The following TTBK2 variants were observed in gnomAD, a reference collection of about 807,000 sequenced individuals.
The protein encoded by TTBK2 is tau-tubulin kinase 2.
TTBK2 carries 28 observed loss-of-function variants against 110.8 expected under a neutral mutation model. The observed-to-expected ratio is 0.25, with a 90% CI of 0.19 to 0.35. The LOEUF is 0.35. Ranked by LOEUF, TTBK2 falls within the 10% of genes least tolerant of loss-of-function variation. The probability of loss-of-function intolerance (pLI) is 1.00; values close to 1 mark genes in which losing one functional copy is unlikely to be tolerated. For missense variants in TTBK2, 1,369 were observed against 1,500.3 expected (o/e 0.91, Z 1.45); for synonymous variants, 532 against 527.3 (o/e 1.01, Z -0.12).
chr15:42,838,228 T>C (rs1371196607), intron 4 of TTBK2, among the ~76,000 whole-genome samples: 1 of 151,578 alleles, frequency 6.6e-6, no homozygotes, highest in Non-Finnish European at 1.5e-5. Flanking sequence ...TAAAATAAAA[T>C]AAAGAAACCA....
At chr15:42,861,178 A>G (rs1378222173) in intron 3 of TTBK2, among the ~76,000 whole-genome samples, 1 of 152,210 alleles carries the variant, frequency 6.6e-6, no homozygotes, top group Non-Finnish European at 1.5e-5. Context: ...CAGCCCATTG[A>G]CAGCATTAGA....
At chr15:42,874,715 C>T (rs1184036501) in intron 2 of TTBK2, among the ~76,000 whole-genome samples, 2 of 150,880 alleles carry the variant, frequency 1.3e-5, no homozygotes, top group African/African-American at 2.4e-5. Flanking sequence ...TGGCCGGGCG[C>T]GGTGGCTCAC....
intron 6 of TTBK2, among the ~76,000 whole-genome samples, chr15:42,817,521 A>G (rs558765903): frequency 6.6e-6 from 1 of 152,338 alleles, no homozygotes; most frequent in South Asian, 2.1e-4. Flanking sequence ...CAAGCTCTTC[A>G]TATCTTGGCT....
intron 1 of TTBK2, among the ~76,000 whole-genome samples, chr15:42,896,117 T>A (rs1361189396): frequency 2.0e-5 from 3 of 151,358 alleles, no homozygotes; most frequent in African/African-American, 7.3e-5. Flanking sequence ...TAACCTGAGG[T>A]GAGGAGTTCG....
intron 4 of TTBK2, 55 bp from the exon 5 acceptor site, chr15:42,830,133 G>C (rs1301811935): frequency 6.2e-7 from 1 of 1,601,788 alleles, no homozygotes; most frequent in Admixed American, 1.7e-5. Context: ...TAGTATAAGA[G>C]AAGACTGGGA....
chr15:42,854,536 C>T (rs1038452403), intron 3 of TTBK2, among the ~76,000 whole-genome samples: 6 of 151,758 alleles, frequency 4.0e-5, no homozygotes, highest in Admixed American at 1.3e-4. Flanking sequence ...CGTTGTTTTG[C>T]TTAAAGTTGC....
intron 3 of TTBK2, among the ~76,000 whole-genome samples, chr15:42,864,936 T>C (rs540511271): frequency 6.6e-6 from 1 of 151,858 alleles, no homozygotes; most frequent in East Asian, 1.9e-4. Context: ...TAAATATATA[T>C]ACATGCTTAT....
upstream of TTBK2, chr15:42,920,834 T>G (rs1480245640): frequency 1.3e-5 from 2 of 153,128 alleles, no homozygotes; most frequent in Non-Finnish European, 2.9e-5. Context: ...CGACACAGCC[T>G]AGCCCACCTG....
chr15:42,914,252 AG>A (rs1395549522), intron 1 of TTBK2, among the ~76,000 whole-genome samples: 2 of 152,168 alleles, frequency 1.3e-5, no homozygotes, highest in African/African-American at 4.8e-5. Flanking sequence ...CTAGGATTAT[AG>A]GCATGAGCCA....
chr15:42,844,995 T>C (rs1001821949), intron 3 of TTBK2, among the ~76,000 whole-genome samples: 10 of 152,156 alleles, frequency 6.6e-5, no homozygotes, highest in African/African-American at 2.4e-4. Flanking sequence ...ACAAAAAAAG[T>C]AATACAGTAT....
At chr15:42,907,565 G>C (rs893337532) in intron 1 of TTBK2, among the ~76,000 whole-genome samples, 2 of 151,988 alleles carry the variant, frequency 1.3e-5, no homozygotes, top group Non-Finnish European at 2.9e-5. Flanking sequence ...GCCAAGTACA[G>C]AAAAATAAAT....
At chr15:42,840,241 T>G in intron 4 of TTBK2, 119 bp downstream of exon 4, 1 of 906,402 alleles carries the variant, frequency 1.1e-6, no homozygotes, top group South Asian at 1.3e-5. Context: ...TCCATCTGCA[T>G]AGTATAAAAC....
intron 13 of TTBK2, among the ~76,000 whole-genome samples, chr15:42,773,381 G>C (rs888414787): frequency 6.7e-6 from 1 of 150,016 alleles, no homozygotes; most frequent in South Asian, 2.1e-4. Context: ...AGGTTGCAGT[G>C]AGCCGAGATC....
At chr15:42,882,371 G>C (rs949107789) in intron 1 of TTBK2, among the ~76,000 whole-genome samples, 3 of 152,038 alleles carry the variant, frequency 2.0e-5, no homozygotes, top group African/African-American at 7.2e-5. Flanking sequence ...GGCCAAGGCA[G>C]GCAGATCACC....
chr15:42,828,098 T>C (rs1307006602), intron 5 of TTBK2, 66 bp from the exon 6 acceptor site: 1 of 1,282,150 alleles, frequency 7.8e-7, no homozygotes, highest in Non-Finnish European at 1.1e-6. Flanking sequence ...TTTATCATTC[T>C]TACATTTTAA....
chr15:42,833,296 G>T (rs1156821973), intron 4 of TTBK2, among the ~76,000 whole-genome samples: 2 of 145,814 alleles, frequency 1.4e-5, no homozygotes, highest in African/African-American at 2.5e-5. Context: ...TAGTAATGTG[G>T]AATGAATAAA....
At chr15:42,865,162 GA>G (rs1392009505) in intron 3 of TTBK2, among the ~76,000 whole-genome samples, 1 of 152,072 alleles carries the variant, frequency 6.6e-6, no homozygotes. Context: ...TAAGAAAGGA[GA>G]GAAGGCCAGG....
At chr15:42,880,126 TA>T (rs977000014) in intron 1 of TTBK2, among the ~76,000 whole-genome samples, 7 of 151,818 alleles carry the variant, frequency 4.6e-5, no homozygotes, top group African/African-American at 1.2e-4. Context: ...TACATATGAT[TA>T]AAAAAAAGTT....
chr15:42,835,346 T>C (rs901848649), intron 4 of TTBK2, among the ~76,000 whole-genome samples: 3 of 152,154 alleles, frequency 2.0e-5, no homozygotes, highest in African/African-American at 7.2e-5. Context: ...CTCTGAAGTA[T>C]CCTTGCAAAG....
Sources: allele counts gnomAD v4.1 joint callset (sites outside exome capture counted in the v4.1 genomes callset), GRCh38; gene constraint gnomAD v4.1.1; transcripts MANE v1.5; gene names NCBI Gene and HGNC (gene_info 2026-07-23, HGNC 2026-07-21).